MGAT4C: variants seen among roughly 807,000 people sequenced by gnomAD.
The protein encoded by MGAT4C is MGAT4 family member C, also known as alpha-1,3-mannosyl-glycoprotein 4-beta-N-acetylglucosaminyltransferase C.
In MGAT4C, 19 loss-of-function variants were observed where a neutral mutation model predicts 40.1. The observed-to-expected ratio is 0.47, with a 90% CI of 0.33 to 0.70. The LOEUF is 0.70. Ranked by LOEUF, MGAT4C falls within the 30% of genes least tolerant of loss-of-function variation. MGAT4C has a pLI of 0.02. For synonymous variants in MGAT4C, 181 were observed against 187.1 expected, an observed-to-expected ratio of 0.97 and a Z score of 0.27; for missense variants, 491 against 563.2, an observed-to-expected ratio of 0.87 and a Z score of 1.30.
At chr12:86,173,554 A>G (rs1484975627) in intron 1 of MGAT4C, among the ~76,000 whole-genome samples, 3 of 152,174 alleles carry the variant, frequency 2.0e-5, no homozygotes, top group African/African-American at 7.2e-5. Context: ...AATTATAAAT[A>G]TATCACATTT....
At chr12:86,635,077 G>A (rs1203515487) in intron 2 of MGAT4C, among the ~76,000 whole-genome samples, 2 of 152,008 alleles carry the variant, frequency 1.3e-5, no homozygotes, top group Non-Finnish European at 2.9e-5. Context: ...GCCTCCTATT[G>A]CTTTATGAAT....
intron 1 of MGAT4C, among the ~76,000 whole-genome samples, chr12:86,792,140 CA>C (rs1280613504): frequency 6.6e-6 from 1 of 152,008 alleles, no homozygotes; most frequent in Non-Finnish European, 1.5e-5. Context: ...CAGGTAAAAT[CA>C]AAAGTCCAGT....
At chr12:86,028,350 T>A (rs1456847773) in intron 2 of MGAT4C, 2 of 356,644 alleles carry the variant, frequency 5.6e-6, no homozygotes, top group Non-Finnish European at 5.4e-6. Flanking sequence ...GCAGGGCAAG[T>A]GATGCTGTCA....
chr12:86,560,680 T>C (rs1959821142), intron 2 of MGAT4C, among the ~76,000 whole-genome samples: 1 of 152,094 alleles, frequency 6.6e-6, no homozygotes, highest in African/African-American at 2.4e-5. Flanking sequence ...ACAGCTAATA[T>C]TATACTGAAC....
intron 2 of MGAT4C, among the ~76,000 whole-genome samples, chr12:86,004,999 T>C (rs1433765393): frequency 6.6e-6 from 1 of 152,172 alleles, no homozygotes; most frequent in African/African-American, 2.4e-5. Flanking sequence ...CATCACCCCA[T>C]GGCACAATCC....
intron 1 of MGAT4C, among the ~76,000 whole-genome samples, chr12:86,084,706 T>C (rs1871416289): frequency 6.6e-6 from 1 of 150,440 alleles, no homozygotes; most frequent in Non-Finnish European, 1.5e-5. Flanking sequence ...AAATTAAGAA[T>C]AAAACCATTT....
intron 2 of MGAT4C, among the ~76,000 whole-genome samples, chr12:86,036,227 G>A (rs1891226843): frequency 6.7e-6 from 1 of 149,608 alleles, no homozygotes; most frequent in Non-Finnish European, 1.5e-5. Context: ...GAGACGATGG[G>A]GTTTTCTAAA....
intron 2 of MGAT4C, among the ~76,000 whole-genome samples, chr12:86,651,778 A>G (rs535134737): frequency 7.3e-4 from 111 of 152,030 alleles, no homozygotes; most frequent in Non-Finnish European, 1.2e-3. Context: ...CTAACACTGT[A>G]ATCTATGAGT....
intron 2 of MGAT4C, among the ~76,000 whole-genome samples, chr12:86,641,000 G>T (rs936399321): frequency 6.6e-6 from 1 of 151,854 alleles, no homozygotes; most frequent in Non-Finnish European, 1.5e-5. Context: ...TTGTACATTT[G>T]CTGAGGAGAG....
intron 1 of MGAT4C, among the ~76,000 whole-genome samples, chr12:86,114,701 A>C (rs1878078715): frequency 6.6e-6 from 1 of 152,000 alleles, no homozygotes; most frequent in Non-Finnish European, 1.5e-5. Flanking sequence ...GAGGTGCCCA[A>C]GGCAAAATAA....
intron 1 of MGAT4C, among the ~76,000 whole-genome samples, chr12:86,180,543 G>A (rs1887997891): frequency 6.6e-6 from 1 of 152,188 alleles, no homozygotes; most frequent in Admixed American, 6.5e-5. Flanking sequence ...AAGACACAGG[G>A]GCAGAGCTGC....
At chr12:86,591,678 T>G (rs1027781748) in intron 2 of MGAT4C, among the ~76,000 whole-genome samples, 61 of 151,828 alleles carry the variant, frequency 4.0e-4, no homozygotes, top group African/African-American at 1.4e-3. Context: ...TTTATACCTT[T>G]AGTTCAATAC....
chr12:86,250,096 G>A (rs1341509683), intron 1 of MGAT4C, among the ~76,000 whole-genome samples: 2 of 152,072 alleles, frequency 1.3e-5, no homozygotes, highest in Non-Finnish European at 2.9e-5. Context: ...ATGAGTCAGA[G>A]CACTTAAAAG....
In MGAT4C at chr12:85,979,368, ATATC is replaced by A; in HGVS notation, c.1354_1357del (p.Asp452TyrfsTer4). On this transcript the variant is annotated frameshift_variant, in exon 5 of 5. Transcript: ENST00000611864. LOFTEE classifies it high-confidence loss of function. ...GGTGACATATATCCTCATACAATGTATATCAAATGGAATTTTTTGATTTACACCT... is the reference window on the plus strand; with the variant it reads ...GGTGACATATATCCTCATACAATGTAAAATGGAATTTTTTGATTTACACCT... 1 of 1,612,606 alleles carries A rather than the reference ATATC, an allele frequency of 6.2e-7. No homozygotes were observed. The highest frequency in any genetic ancestry group is 8.5e-7 in the Non-Finnish European group (1 of 1,179,028).
At chr12:86,146,557 C>A (rs1243195506) in intron 1 of MGAT4C, among the ~76,000 whole-genome samples, 1 of 152,026 alleles carries the variant, frequency 6.6e-6, no homozygotes, top group Non-Finnish European at 1.5e-5. Flanking sequence ...CTATTTAAAT[C>A]TCTCTAAGAA....
intron 2 of MGAT4C, among the ~76,000 whole-genome samples, chr12:86,447,176 A>T (rs1010466797): frequency 6.6e-6 from 1 of 152,072 alleles, no homozygotes; most frequent in Non-Finnish European, 1.5e-5. Context: ...CCCAGGCTGG[A>T]GTGCAATGGT....
chr12:86,694,757 A>T (rs1474967914), intron 2 of MGAT4C, among the ~76,000 whole-genome samples: 2 of 152,180 alleles, frequency 1.3e-5, no homozygotes, highest in Admixed American at 1.3e-4. Flanking sequence ...CAAAAATCAA[A>T]TAGAAATGGA....
chr12:86,594,609 G>A (rs984067263), intron 2 of MGAT4C, among the ~76,000 whole-genome samples: 4 of 152,176 alleles, frequency 2.6e-5, no homozygotes, highest in Non-Finnish European at 4.4e-5. Context: ...CGTTCAAGGA[G>A]AGAAATTATT....
At chr12:86,564,068 G>A (rs1256117583) in intron 2 of MGAT4C, among the ~76,000 whole-genome samples, 1 of 152,066 alleles carries the variant, frequency 6.6e-6, no homozygotes, top group Non-Finnish European at 1.5e-5. Flanking sequence ...AGAGATTAGT[G>A]CCACCATCAA....
Sources: allele counts gnomAD v4.1 joint callset (sites outside exome capture counted in the v4.1 genomes callset), GRCh38; gene constraint gnomAD v4.1.1; transcripts MANE v1.5; gene names NCBI Gene and HGNC (gene_info 2026-07-23, HGNC 2026-07-21).